The following CDH4 variants were observed in gnomAD, a reference collection of about 807,000 sequenced individuals.
CDH4 encodes cadherin 4, also known as cadherin-4.
In CDH4, 33 loss-of-function variants were observed where a neutral mutation model predicts 86.0. The observed-to-expected ratio is 0.38, with a 90% CI of 0.29 to 0.51. The LOEUF (loss-of-function observed/expected upper bound fraction) is 0.51. Ranked by LOEUF, CDH4 falls within the 20% of genes least tolerant of loss-of-function variation. The probability of loss-of-function intolerance (pLI) is 0.86; values close to 1 mark genes in which losing one functional copy is unlikely to be tolerated. For synonymous variants in CDH4, 555 were observed against 549.4 expected, an observed-to-expected ratio of 1.01 and a Z score of -0.14; for missense variants, 1,114 against 1,307.4, an observed-to-expected ratio of 0.85 and a Z score of 2.28.
In CDH4 at chr20:61,351,866, G is replaced by C. The variant is rs116407844; in HGVS notation, c.169+96929G>C. 5.8e-3 allele frequency among the ~76,000 whole-genome samples: 882 copies of C among 152,142 alleles called. 7 individuals are homozygous for C. The highest frequency in any genetic ancestry group is 0.02 in the African/African-American group (846 of 41,518). ...CGAGTAGCTGGGACTATGGGCAGGC[G>C]CCACCATACCAGGCTAATTTTTGTA... On this transcript the variant is annotated intron_variant, in intron 2 of 15. Transcript: ENST00000614565.
At chr20:61,621,583 G>A (rs1281497417) in intron 2 of CDH4, among the ~76,000 whole-genome samples, 3 of 152,134 alleles carry the variant, frequency 2.0e-5, no homozygotes, top group South Asian at 4.1e-4. Flanking sequence ...GGAGAACATC[G>A]CTGGCTCGTA....
intron 2 of CDH4, among the ~76,000 whole-genome samples, chr20:61,353,822 C>T (rs931425680): frequency 3.4e-5 from 5 of 148,708 alleles, no homozygotes; most frequent in East Asian, 2.1e-4. Context: ...GAATGTGCCC[C>T]GTTAGAAACA....
chr20:61,731,074 CAGG>C (rs980706587), intron 2 of CDH4, among the ~76,000 whole-genome samples: 9 of 152,142 alleles, frequency 5.9e-5, no homozygotes, highest in Middle Eastern at 3.4e-3. Flanking sequence ...GTCTGGAGTT[CAGG>C]AGAAGGATCT....
intron 2 of CDH4, among the ~76,000 whole-genome samples, chr20:61,346,888 C>T (rs1013101567): frequency 6.6e-6 from 1 of 152,112 alleles, no homozygotes; most frequent in Non-Finnish European, 1.5e-5. Flanking sequence ...ATTGACTCCA[C>T]GTACGGGTGC....
chr20:61,482,107 A>G (rs1412132726), intron 2 of CDH4, among the ~76,000 whole-genome samples: 1 of 152,082 alleles, frequency 6.6e-6, no homozygotes, highest in African/African-American at 2.4e-5. Flanking sequence ...CTCTGGGCCC[A>G]TTGCTCTCAC....
intron 2 of CDH4, among the ~76,000 whole-genome samples, chr20:61,640,123 T>C (rs987443430): frequency 6.6e-6 from 1 of 152,192 alleles, no homozygotes; most frequent in Admixed American, 6.5e-5. Context: ...TGATATAAAA[T>C]CCCAGAGAAA....
At chr20:61,847,221 C>T (rs912434811) in intron 5 of CDH4, among the ~76,000 whole-genome samples, 1 of 152,248 alleles carries the variant, frequency 6.6e-6, no homozygotes, top group East Asian at 1.9e-4. Context: ...TCAGCTACCT[C>T]TGCACACAGC....
intron 2 of CDH4, among the ~76,000 whole-genome samples, chr20:61,556,279 A>G (rs1028353853): frequency 4.6e-5 from 7 of 152,132 alleles, no homozygotes; most frequent in Non-Finnish European, 8.8e-5. Context: ...TTCCCACTGT[A>G]TGTGTCACCA....
In CDH4 at chr20:61,816,937, G is replaced by A. The variant is rs535461549; in HGVS notation, c.577-27731G>A. Among the ~76,000 whole-genome samples the A allele has an allele frequency of 7.9e-4, 120 of 152,312 alleles. No homozygotes were observed. In the Middle Eastern group the frequency reaches 0.014, roughly 17 times the overall value. ...CATTCTCATTTCTGCAAGTTAATTCGATATCATGGCAGTGGCTTGGGGTAA... is the reference window on the plus strand; with the variant it reads ...CATTCTCATTTCTGCAAGTTAATTCAATATCATGGCAGTGGCTTGGGGTAA... On this transcript the variant is annotated intron_variant, in intron 4 of 15. Transcript: ENST00000614565.
intron 2 of CDH4, among the ~76,000 whole-genome samples, chr20:61,296,203 A>T (rs969157914): frequency 1.3e-5 from 2 of 150,304 alleles, no homozygotes; most frequent in East Asian, 2.0e-4. Context: ...TGTGTGTGTG[A>T]GAGAGAGACC....
intron 2 of CDH4, among the ~76,000 whole-genome samples, chr20:61,590,971 A>G (rs942660378): frequency 2.0e-5 from 3 of 151,562 alleles, no homozygotes; most frequent in African/African-American, 7.3e-5. Context: ...TGAGCCATGA[A>G]CAGCATCCAG....
rs150920724 is a variant in CDH4 at position 61,753,751 on chromosome 20, T to G, written c.396+9962T>G. The stretch of plus-strand genomic sequence containing the variant: ...GTATCTTCTAGCACACGTCAGCGTT[T>G]ATGAGGATGAACTCGGCCGAGCAAT... On this transcript the variant is annotated intron_variant, in intron 3 of 15. Coordinates refer to ENST00000614565, the MANE Select transcript of CDH4 (RefSeq NM_001794.5). Among the ~76,000 whole-genome samples the G allele has an allele frequency of 2.1e-3, 327 of 152,294 alleles. 1 individual carries two copies. Among genetic ancestry groups the G allele is most frequent in the Non-Finnish European group, 3.8e-3 (256 of 68,026 alleles).
At chr20:61,581,809 C>A (rs1236991915) in intron 2 of CDH4, among the ~76,000 whole-genome samples, 2 of 152,320 alleles carry the variant, frequency 1.3e-5, no homozygotes, top group East Asian at 3.9e-4. Flanking sequence ...TTCAGCCCCA[C>A]ACCATGCTTG....
chr20:61,828,652 C>T (rs527426815), intron 4 of CDH4, among the ~76,000 whole-genome samples: 10 of 152,218 alleles, frequency 6.6e-5, no homozygotes, highest in Admixed American at 6.5e-4. Context: ...TTGCTGATGG[C>T]CTCCCTGTGG....
At chr20:61,771,487 G>A (rs1156399887) in intron 3 of CDH4, among the ~76,000 whole-genome samples, 1 of 151,930 alleles carries the variant, frequency 6.6e-6, no homozygotes, top group Non-Finnish European at 1.5e-5. Flanking sequence ...AGCCAGATGT[G>A]GTGGCGGTCT....
At chr20:61,862,857 C>T (rs543505283) in intron 6 of CDH4, among the ~76,000 whole-genome samples, 20 of 152,274 alleles carry the variant, frequency 1.3e-4, no homozygotes, top group African/African-American at 3.9e-4. Context: ...GGGAAATCTG[C>T]GTGCTGCAAA....
intron 2 of CDH4, among the ~76,000 whole-genome samples, chr20:61,372,889 T>A (rs1444885702): frequency 6.6e-6 from 1 of 152,188 alleles, no homozygotes; most frequent in Non-Finnish European, 1.5e-5. Flanking sequence ...GGGAATGAGA[T>A]TCAAAGGGCG....
At chr20:61,398,511 T>C (rs6142826) in intron 2 of CDH4, among the ~76,000 whole-genome samples, 70,225 of 151,994 alleles carry the variant, frequency 0.46, 16,708 homozygotes, top group African/African-American at 0.56. Context: ...GGCTGATGGG[T>C]AGGAGGAGAC....
intron 4 of CDH4, among the ~76,000 whole-genome samples, chr20:61,828,380 G>C (rs1229327565): frequency 6.6e-6 from 1 of 152,190 alleles, no homozygotes; most frequent in Non-Finnish European, 1.5e-5. Context: ...CAAAAGAGAG[G>C]GAGACAGATT....
Sources: gnomAD v4.1 joint callset for allele counts (sites outside exome capture counted in the v4.1 genomes callset) on GRCh38, gnomAD v4.1.1 for gene constraint, MANE v1.5 for transcripts, NCBI Gene and HGNC (gene_info 2026-07-23, HGNC 2026-07-21) for gene names.